Variants in LIN28B observed in about 807,000 individuals in gnomAD.
LIN28B encodes the protein lin-28 RNA binding posttranscriptional regulator B, also known as protein lin-28 homolog B.
LIN28B carries 5 observed loss-of-function variants against 21.9 expected under a neutral mutation model. The observed-to-expected ratio is 0.23, with a 90% CI of 0.12 to 0.48. The LOEUF (loss-of-function observed/expected upper bound fraction) is 0.48, where lower values mean the gene tolerates loss of function less well. Among genes scored for constraint, LIN28B ranks in the 20% least tolerant of loss-of-function variants. LIN28B has a pLI of 0.98. For synonymous variants in LIN28B, 109 were observed against 111.3 expected, an observed-to-expected ratio of 0.98 and a Z score of 0.13; for missense variants, 245 against 310.5, an observed-to-expected ratio of 0.79 and a Z score of 1.58.
At chr6:105,020,107 CTTTTTTTTTTT>C (rs1158938023) in intron 2 of LIN28B, among the ~76,000 whole-genome samples, 2 of 87,610 alleles carry the variant, frequency 2.3e-5, no homozygotes, top group African/African-American at 9.5e-5. Flanking sequence ...TCCTGTTATT[CTTTTTTTTTTT>C]TTTTTTTTTT....
chr6:104,991,268 C>T (rs546697872), intron 2 of LIN28B, among the ~76,000 whole-genome samples: 23 of 150,540 alleles, frequency 1.5e-4, no homozygotes, highest in Non-Finnish European at 3.0e-4. Context: ...GGGTGGCTGC[C>T]GGGTGGAGGG....
intron 3 of LIN28B, among the ~76,000 whole-genome samples, chr6:105,044,016 A>ATTG (rs1432886560): frequency 6.6e-6 from 1 of 152,064 alleles, no homozygotes; most frequent in Non-Finnish European, 1.5e-5. Flanking sequence ...TATCCATTTT[A>ATTG]TTGTTCTTCC....
intron 2 of LIN28B, among the ~76,000 whole-genome samples, chr6:105,001,772 T>C (rs1020485885): frequency 6.6e-6 from 1 of 152,226 alleles, no homozygotes; most frequent in Non-Finnish European, 1.5e-5. Flanking sequence ...GAAGATGTTA[T>C]GATATCCCTA....
In LIN28B at chr6:105,042,979, T is replaced by A. The variant is rs181159073; in HGVS notation, c.383+16497T>A. On this transcript the variant is annotated intron_variant, in intron 3 of 3. Transcript: ENST00000345080. ...CTATCAAAGCCCAACCCCTCTGCTATGGGAGATGGGGGTTGAAGGATGGAA... is the reference window on the plus strand; with the variant it reads ...CTATCAAAGCCCAACCCCTCTGCTAAGGGAGATGGGGGTTGAAGGATGGAA... 1.6e-4 allele frequency among the ~76,000 whole-genome samples: 24 copies of A among 152,284 alleles called. No individual in the cohort carries two copies. The East Asian group carries it at 3.9e-3, about 24-fold the overall frequency.
chr6:104,950,811 T>C (rs775856539), intron 3 of LIN28B, among the ~76,000 whole-genome samples: 3 of 152,094 alleles, frequency 2.0e-5, no homozygotes, highest in South Asian at 2.1e-4. Context: ...ATAACAGATA[T>C]TTAAATGCTT....
rs73771025 is a variant in LIN28B, at chr6:104,939,113, T to C, written c.18+1997T>C. ...TAAGCTCTACTCATAAATAAAAAAT[T>C]ACTATAATGCTTTAAAGTCAAAGCA... is the stretch of plus-strand genomic sequence containing the variant. On this transcript the variant is annotated intron_variant, in intron 2 of 5. Transcript: ENST00000635857. 4.1e-3 allele frequency among the ~76,000 whole-genome samples: 620 copies of C among 152,340 alleles called. 2 individuals are homozygous for C. The highest frequency in any genetic ancestry group is 0.015 in the African/African-American group (609 of 41,584).
At chr6:105,001,144 G>A (rs1770711267) in intron 2 of LIN28B, among the ~76,000 whole-genome samples, 1 of 152,140 alleles carries the variant, frequency 6.6e-6, no homozygotes, top group African/African-American at 2.4e-5. Flanking sequence ...TTGATCAGAT[G>A]CCCTTTCTTA....
intron 2 of LIN28B, among the ~76,000 whole-genome samples, chr6:105,013,195 G>A (rs1218831621): frequency 6.6e-6 from 1 of 151,886 alleles, no homozygotes; most frequent in Admixed American, 6.6e-5. Context: ...ATTTTTAGTA[G>A]AGACAGAGTT....
chr6:104,976,826 T>G (rs1024099561), intron 2 of LIN28B, among the ~76,000 whole-genome samples: 37 of 152,182 alleles, frequency 2.4e-4, no homozygotes, highest in African/African-American at 8.7e-4. Context: ...AGGTGGAAGA[T>G]GAAGCTCAAG....
Position 104,944,180 on chromosome 6 carries a change from T to C in LIN28B, c.19-6281T>C, listed in dbSNP as rs142734614. ...GAATTGGAATCATCAGAAATTGTGA[T>C]AGAGAAATGTTATCCCTGAAGTATA... On this transcript the variant is annotated intron_variant, in intron 2 of 5. Coordinates refer to the LIN28B transcript ENST00000635857. Among the ~76,000 whole-genome samples the C allele has an allele frequency of 4.9e-3, 739 of 152,276 alleles. 5 individuals are homozygous for C. Among genetic ancestry groups the C allele is most frequent in the Admixed American group, 8.0e-3 (123 of 15,302 alleles).
chr6:105,056,888 C>T (rs571406600), intron 3 of LIN28B, among the ~76,000 whole-genome samples: 1 of 152,284 alleles, frequency 6.6e-6, no homozygotes, highest in Admixed American at 6.5e-5. Context: ...CTGGGGCAAA[C>T]ATCTGGGCTT....
chr6:105,002,655 G>A (rs1770742310), intron 2 of LIN28B, among the ~76,000 whole-genome samples: 1 of 152,162 alleles, frequency 6.6e-6, no homozygotes. Context: ...TTGTTGGTCA[G>A]GACTCCTTTA....
intron 3 of LIN28B, among the ~76,000 whole-genome samples, chr6:105,070,439 A>AT (rs898204642): frequency 8.5e-5 from 13 of 152,166 alleles, no homozygotes; most frequent in African/African-American, 2.7e-4. Context: ...CTATACAAAA[A>AT]TTTACAGAGT....
chr6:105,043,304 C>G (rs1450198387), intron 3 of LIN28B, among the ~76,000 whole-genome samples: 2 of 121,794 alleles, frequency 1.6e-5, no homozygotes, highest in Non-Finnish European at 3.2e-5. Context: ...CGCCTGTAGT[C>G]CCAGCTGCTC....
chr6:104,954,326 A>G (rs1193455436), upstream of LIN28B, among the ~76,000 whole-genome samples: 1 of 152,196 alleles, frequency 6.6e-6, no homozygotes, highest in Non-Finnish European at 1.5e-5. Flanking sequence ...TAGGAGCTTT[A>G]AAAGCTTATG....
intron 2 of LIN28B, among the ~76,000 whole-genome samples, chr6:104,975,583 T>C (rs1021249383): frequency 9.9e-5 from 15 of 152,188 alleles, no homozygotes; most frequent in Non-Finnish European, 1.8e-4. Context: ...AATTTTGATA[T>C]AGTGACAACA....
At chr6:104,992,885 G>A (rs940883180) in intron 2 of LIN28B, among the ~76,000 whole-genome samples, 5 of 151,916 alleles carry the variant, frequency 3.3e-5, no homozygotes, top group African/African-American at 1.2e-4. Flanking sequence ...TTTTTTAGTG[G>A]TGACACTGGA....
intron 2 of LIN28B, among the ~76,000 whole-genome samples, chr6:104,992,825 T>C (rs568367809): frequency 6.6e-6 from 1 of 152,266 alleles, no homozygotes; most frequent in Admixed American, 6.5e-5. Context: ...AAGTATTTTT[T>C]ACTACTCTTT....
At chr6:105,073,286 A>G (rs1437922563) in intron 3 of LIN28B, among the ~76,000 whole-genome samples, 3 of 152,228 alleles carry the variant, frequency 2.0e-5, no homozygotes, top group Non-Finnish European at 4.4e-5. Flanking sequence ...AAGGTTTAAA[A>G]TGATCTCTTC....
Sources: allele counts gnomAD v4.1 joint callset (sites outside exome capture counted in the v4.1 genomes callset), GRCh38; gene constraint gnomAD v4.1.1; transcripts MANE v1.5; gene names NCBI Gene and HGNC (gene_info 2026-07-23, HGNC 2026-07-21).